TRMT9B: variants seen among roughly 807,000 people sequenced by gnomAD.
TRMT9B encodes the protein tRNA methyltransferase 9B (putative), also known as probable tRNA methyltransferase 9B.
TRMT9B carries 16 observed loss-of-function variants against 11.5 expected under a neutral mutation model. The observed-to-expected ratio is 1.39, with a 90% CI of 0.94 to 2.11. The LOEUF (loss-of-function observed/expected upper bound fraction) is 2.11. Among genes scored for constraint, TRMT9B ranks in the 30% most tolerant of loss-of-function variants. TRMT9B has a pLI of 0.00. For missense variants in TRMT9B, 941 were observed against 553.8 expected, an observed-to-expected ratio of 1.70 and a Z score of -7.02; for synonymous variants, 274 against 192.4, an observed-to-expected ratio of 1.42 and a Z score of -3.51.
At chr8:12,987,405 C>T (rs770197865) in intron 1 of TRMT9B, among the ~76,000 whole-genome samples, 2 of 152,082 alleles carry the variant, frequency 1.3e-5, no homozygotes, top group African/African-American at 4.8e-5. Flanking sequence ...CAAAAATGCA[C>T]TTAGGCCTGG....
At chr8:13,016,221 A>G (rs909430776) in intron 4 of TRMT9B, among the ~76,000 whole-genome samples, 1 of 117,388 alleles carries the variant, frequency 8.5e-6, no homozygotes, top group African/African-American at 3.3e-5. Flanking sequence ...TAAAATATAA[A>G]TGTGAAATAT....
chr8:12,971,210 A>G (rs1803572249), intron 1 of TRMT9B, among the ~76,000 whole-genome samples: 1 of 152,036 alleles, frequency 6.6e-6, no homozygotes, highest in African/African-American at 2.4e-5. Context: ...ACTGGTATTT[A>G]TTTATTTTTC....
intron 1 of TRMT9B, chr8:12,960,215 G>A (rs1801906161): frequency 1.3e-5 from 2 of 152,232 alleles, no homozygotes; most frequent in African/African-American, 2.4e-5. Context: ...ACTCTAAGGA[G>A]TCAACAGAGG....
At position 12,990,931 on chromosome 8, in the gene TRMT9B, T is replaced by G. The variant is rs778038980; in HGVS notation, c.-102T>G. ...TACAAGTTTTCATTTACGTTACACA[T>G]TGAGAAAGTTATGAGAAGCAACTGT... On this transcript the variant is annotated 5_prime_UTR_variant, in exon 2 of 5. Coordinates refer to ENST00000524591, the MANE Select transcript of TRMT9B (RefSeq NM_020844.3). The G allele has an allele frequency of 7.8e-7, 1 of 1,289,208 alleles. No individual in the cohort carries two copies. Among genetic ancestry groups the G allele is most frequent in the South Asian group, 1.2e-5 (1 of 80,958 alleles). The allele number at this position is 1,289,208 out of a possible 1,614,324, so 79.9% of individuals were successfully genotyped here.
At chr8:13,005,936 G>C (rs1244115348) in intron 2 of TRMT9B, among the ~76,000 whole-genome samples, 2 of 152,296 alleles carry the variant, frequency 1.3e-5, no homozygotes, top group South Asian at 4.2e-4. Context: ...AATTCATCTT[G>C]TACAGGAACT....
At chr8:12,972,157 C>G (rs1359777809) in intron 1 of TRMT9B, among the ~76,000 whole-genome samples, 1 of 152,132 alleles carries the variant, frequency 6.6e-6, no homozygotes, top group South Asian at 2.1e-4. Flanking sequence ...AAAGAGGGAA[C>G]AAATGAGGCA....
rs147042068 is a variant in TRMT9B at position 13,027,023 on chromosome 8, C to T, written c.*4979C>T. On this transcript the variant is annotated 3_prime_UTR_variant, in exon 5 of 5. Coordinates refer to ENST00000524591, the MANE Select transcript of TRMT9B (RefSeq NM_020844.3). ...AAATAGTTCTTGGTTGCAAAATATTCTGGGACCACTTTTCTCCAACTCTTC... is the reference window on the plus strand; with the variant it reads ...AAATAGTTCTTGGTTGCAAAATATTTTGGGACCACTTTTCTCCAACTCTTC... 1 of 167,022 alleles carries T rather than the reference C, an allele frequency of 6.0e-6. No homozygotes were observed. Among genetic ancestry groups the T allele is most frequent in the Non-Finnish European group, 1.5e-5 (1 of 68,120 alleles). The allele number at this position is 167,022 out of a possible 1,614,324, so 10.3% of individuals were successfully genotyped here.
At position 13,024,481 on chromosome 8, in the gene TRMT9B, C is replaced by G. The variant is rs1814447740; in HGVS notation, c.*2437C>G. Reference sequence around the variant, plus strand: ...TTTGAATTATGAATGGATTGTTCCTCTCTCTGAAGCCTATTGTCACATGGG... The same window carrying G: ...TTTGAATTATGAATGGATTGTTCCTGTCTCTGAAGCCTATTGTCACATGGG... On this transcript the variant is annotated 3_prime_UTR_variant, in exon 5 of 5. Coordinates refer to ENST00000524591, the MANE Select transcript of TRMT9B (RefSeq NM_020844.3). 6.0e-6 allele frequency: 1 copy of G among 167,118 alleles called. No individual in the cohort carries two copies. Among genetic ancestry groups the G allele is most frequent in the African/African-American group, 2.4e-5 (1 of 41,474 alleles). 10.4% of individuals were successfully genotyped at this position (167,118 alleles called of 1,614,324 possible).
chr8:12,981,387 G>T (rs560728040), intron 1 of TRMT9B, among the ~76,000 whole-genome samples: 15 of 152,116 alleles, frequency 9.9e-5, no homozygotes, highest in Non-Finnish European at 2.2e-4. Flanking sequence ...ATCAGATTGT[G>T]GGGGGCTTTA....
At chr8:13,005,633 T>G (rs1224939366) in intron 2 of TRMT9B, among the ~76,000 whole-genome samples, 1 of 152,104 alleles carries the variant, frequency 6.6e-6, no homozygotes, top group Non-Finnish European at 1.5e-5. Flanking sequence ...ACAAAAATAA[T>G]TATGACGTAA....
chr8:13,022,025 A>G lies in TRMT9B; in HGVS notation c.1346A>G (p.Lys449Arg), dbSNP rs1814047868. ...GGTAACTGGTGTATCATTGCAGAGA[A>G]AAAGAGAGGTTGTGATTGATTGGAT... ...DHGNWCIIAEKKRGCD is the reference protein window; with the variant it reads ...DHGNWCIIAERKRGCD Residue 449 changes from lysine to arginine, a missense_variant, in exon 5 of 5, where the codon AAA becomes AGA. Lys to Arg is a conservative substitution (Grantham distance 26). Transcript: ENST00000524591. 2 of 1,595,252 alleles carry G rather than the reference A, an allele frequency of 1.3e-6. No homozygotes were observed. The highest frequency in any genetic ancestry group is 1.3e-5 in the African/African-American group (1 of 74,116).
At chr8:13,018,389 C>A (rs1813186891) in intron 4 of TRMT9B, among the ~76,000 whole-genome samples, 1 of 77,320 alleles carries the variant, frequency 1.3e-5, no homozygotes, top group Non-Finnish European at 2.9e-5. Flanking sequence ...AGAGCAAGAC[C>A]CTGTCTCAAA....
intron 1 of TRMT9B, among the ~76,000 whole-genome samples, chr8:12,950,379 CT>C (rs1357140610): frequency 6.6e-6 from 1 of 152,170 alleles, no homozygotes; most frequent in Non-Finnish European, 1.5e-5. Context: ...TCCTAATGCA[CT>C]GTTAGAAGAG....
At chr8:12,946,475 G>T (rs978274346) in intron 1 of TRMT9B, among the ~76,000 whole-genome samples, 2 of 152,198 alleles carry the variant, frequency 1.3e-5, no homozygotes, top group African/African-American at 4.8e-5. Context: ...AGGTGACTGG[G>T]AGGACGGAGA....
At chr8:12,967,779 C>G (rs148201111) in intron 1 of TRMT9B, among the ~76,000 whole-genome samples, 133 of 152,326 alleles carry the variant, frequency 8.7e-4, no homozygotes, top group South Asian at 5.4e-3. Context: ...ATCAGTGGGA[C>G]AAAGCTTAAC....
At chr8:12,964,520 T>A (rs1563321926) in intron 1 of TRMT9B, among the ~76,000 whole-genome samples, 1 of 152,224 alleles carries the variant, frequency 6.6e-6, no homozygotes, top group Non-Finnish European at 1.5e-5. Context: ...TCCTTGAGGT[T>A]AAAAAATAGT....
At chr8:12,987,343 A>C (rs1388810877) in intron 1 of TRMT9B, among the ~76,000 whole-genome samples, 1 of 152,182 alleles carries the variant, frequency 6.6e-6, no homozygotes, top group Admixed American at 6.5e-5. Flanking sequence ...TTCTCCACTT[A>C]TGATGGGGTT....
At position 13,027,731 on chromosome 8, in the gene TRMT9B, T is replaced by C. The variant is rs502678; in HGVS notation, c.*5687T>C. 166,807 of 167,180 alleles carry C rather than the reference T, an allele frequency of 1. 83,217 individuals are homozygous for C. Among genetic ancestry groups the C allele is most frequent in the Non-Finnish European group, 1 (68,124 of 68,124 alleles). The allele number at this position is 167,180 out of a possible 1,614,324, so 10.4% of individuals were successfully genotyped here. A position where few individuals can be genotyped will look rare whatever the true frequency, so the allele number is the denominator to read the frequency against. On this transcript the variant is annotated 3_prime_UTR_variant, in exon 5 of 5. Coordinates refer to ENST00000524591, the MANE Select transcript of TRMT9B (RefSeq NM_020844.3). Reference sequence around the variant, plus strand: ...AAAATGCACGATACAGGCTTCATTCTATCAAGAGGCATATGAGGTAAGCGT... The same window carrying C: ...AAAATGCACGATACAGGCTTCATTCCATCAAGAGGCATATGAGGTAAGCGT...
chr8:12,959,516 C>CTCTTTTTTTTTTTTTTTT lies in TRMT9B; in HGVS notation c.-200+13551_-200+13552insCTTTTTTTTTTTTTTTTT, dbSNP rs757156112. ...TCTCCTCTCCTTTCCTTTTTCCTTC[C>CTCTTTTTTTTTTTTTTTT]TTTTTTTTTTTTTTTTTTTTTTTGA... is the stretch of plus-strand genomic sequence containing the variant. On this transcript the variant is annotated intron_variant, in intron 1 of 4. Coordinates refer to ENST00000524591, the MANE Select transcript of TRMT9B (RefSeq NM_020844.3). Among the ~76,000 whole-genome samples the CTCTTTTTTTTTTTTTTTT allele has an allele frequency of 4.0e-5, 3 of 74,896 alleles. 1 individual carries two copies. Among genetic ancestry groups the CTCTTTTTTTTTTTTTTTT allele is most frequent in the African/African-American group, 1.5e-4 (3 of 19,924 alleles). 49.1% of individuals were successfully genotyped at this position (74,896 alleles called of 152,430 possible). A position where few individuals can be genotyped will look rare whatever the true frequency, so the allele number is the denominator to read the frequency against.
Sources: gnomAD v4.1 joint callset for allele counts (sites outside exome capture counted in the v4.1 genomes callset) on GRCh38, gnomAD v4.1.1 for gene constraint, MANE v1.5 for transcripts, NCBI Gene and HGNC (gene_info 2026-07-23, HGNC 2026-07-21) for gene names.